Variants in FTO observed in about 807,000 individuals in gnomAD.
FTO encodes alpha-ketoglutarate-dependent dioxygenase FTO.
In FTO, 47 loss-of-function variants were observed where a neutral mutation model predicts 63.9. That is an observed-to-expected ratio of 0.74 (90% confidence interval 0.58 to 0.94). The LOEUF (loss-of-function observed/expected upper bound fraction) is 0.94. Among genes scored for constraint, FTO ranks in the 40% least tolerant of loss-of-function variants. FTO has a pLI of 0.00. For synonymous variants in FTO, 207 were observed against 224.4 expected (o/e 0.92, Z 0.69); for missense variants, 562 against 618.1 (o/e 0.91, Z 0.96).
At chr16:53,894,151 A>G (rs1468730374) in intron 7 of FTO, among the ~76,000 whole-genome samples, 3 of 152,208 alleles carry the variant, frequency 2.0e-5, no homozygotes, top group African/African-American at 4.8e-5. Context: ...AATGTACTTA[A>G]GAAGGTAAAG....
chr16:53,887,914 T>A (rs977583122), intron 6 of FTO: 6 of 152,138 alleles, frequency 3.9e-5, no homozygotes, highest in Non-Finnish European at 8.8e-5. Flanking sequence ...TCCTGGCCCA[T>A]GGGTAAGTTA....
At chr16:53,806,442 T>A (rs2078370024) in intron 1 of FTO, among the ~76,000 whole-genome samples, 1 of 152,206 alleles carries the variant, frequency 6.6e-6, no homozygotes, top group South Asian at 2.1e-4. Flanking sequence ...TAGTCTGTCA[T>A]TTATCCTTTG....
At chr16:53,947,766 T>G (rs1350329495) in intron 8 of FTO, among the ~76,000 whole-genome samples, 1 of 152,248 alleles carries the variant, frequency 6.6e-6, no homozygotes, top group Non-Finnish European at 1.5e-5. Context: ...TTTTAATGAC[T>G]GAACACAAGT....
intron 8 of FTO, among the ~76,000 whole-genome samples, chr16:53,968,537 G>A (rs1296764429): frequency 6.6e-6 from 1 of 152,196 alleles, no homozygotes; most frequent in Non-Finnish European, 1.5e-5. Context: ...TTGAATTGTG[G>A]CTGTGGGCTG....
intron 2 of FTO, among the ~76,000 whole-genome samples, chr16:53,816,407 C>T (rs2078689972): frequency 6.6e-6 from 1 of 152,118 alleles, no homozygotes; most frequent in Non-Finnish European, 1.5e-5. Context: ...AGCTTCCCAT[C>T]AGCCTAGGAC....
At chr16:53,817,959 A>G (rs2078745771) in intron 2 of FTO, among the ~76,000 whole-genome samples, 1 of 152,250 alleles carries the variant, frequency 6.6e-6, no homozygotes, top group East Asian at 1.9e-4. Flanking sequence ...TATAAATTTC[A>G]TGACTGCATA....
intron 1 of FTO, among the ~76,000 whole-genome samples, chr16:53,759,347 C>T (rs563805619): frequency 2.0e-5 from 3 of 152,250 alleles, no homozygotes; most frequent in South Asian, 4.2e-4. Context: ...CAGTATTTAA[C>T]TCTGGGAGTT....
Position 54,103,329 on chromosome 16 carries a change from G to A in FTO, c.1365-8433G>A, listed in dbSNP as rs74476379. ...CTTCCCAGAAGCGTGAGGCCCAAAA[G>A]TAGATGTATATACAACTGGAAGTTA... is the stretch of plus-strand genomic sequence containing the variant. On this transcript the variant is annotated intron_variant, in intron 8 of 8. Transcript: ENST00000471389. Among the ~76,000 whole-genome samples the A allele has an allele frequency of 8.4e-3, 1,282 of 152,250 alleles. 19 individuals carry two copies. The highest frequency in any genetic ancestry group is 0.015 in the Non-Finnish European group (1,051 of 68,006).
At chr16:53,939,751 A>G (rs2082483181) in intron 8 of FTO, among the ~76,000 whole-genome samples, 1 of 152,206 alleles carries the variant, frequency 6.6e-6, no homozygotes, top group Admixed American at 6.5e-5. Context: ...TTCATTTGGC[A>G]TACTGATTGT....
chr16:53,832,345 AACAT>A (rs2079165688), intron 3 of FTO, among the ~76,000 whole-genome samples: 1 of 152,220 alleles, frequency 6.6e-6, no homozygotes, highest in Non-Finnish European at 1.5e-5. Context: ...CAAGATAATG[AACAT>A]ACCCATTATT....
chr16:53,804,907 G>A (rs1015516243), intron 1 of FTO, among the ~76,000 whole-genome samples: 4 of 151,938 alleles, frequency 2.6e-5, no homozygotes, highest in South Asian at 2.1e-4. Context: ...GAGCCACCGC[G>A]CCTGGCTCTT....
intron 8 of FTO, among the ~76,000 whole-genome samples, chr16:53,946,573 T>C (rs1216558236): frequency 1.3e-5 from 2 of 152,252 alleles, no homozygotes; most frequent in African/African-American, 4.8e-5. Context: ...TGTCTTCTTT[T>C]TATTCTTATA....
In FTO at chr16:53,732,049, T is replaced by A. The variant is rs7197110; in HGVS notation, c.45+27820T>A. 3.8e-3 allele frequency among the ~76,000 whole-genome samples: 198 copies of A among 52,446 alleles called. 5 individuals carry two copies. Among genetic ancestry groups the A allele is most frequent in the Non-Finnish European group, 6.5e-3 (115 of 17,562 alleles). The allele number at this position is 52,446 out of a possible 152,430, so 34.4% of individuals were successfully genotyped here. ...GCCCTCATTGTGGCCTTATTTTTTT[T>A]TTTTTTTTTTTTTTTTTGAGACGGA... On this transcript the variant is annotated intron_variant, in intron 1 of 8. Transcript: ENST00000471389.
At chr16:54,074,488 T>G (rs2144475554) in intron 8 of FTO, among the ~76,000 whole-genome samples, 1 of 152,336 alleles carries the variant, frequency 6.6e-6, no homozygotes, top group South Asian at 2.1e-4. Context: ...CATAATATTT[T>G]ATAACTTTTG....
chr16:53,717,894 A>G (rs993164402), intron 1 of FTO, among the ~76,000 whole-genome samples: 3 of 152,084 alleles, frequency 2.0e-5, no homozygotes, highest in Non-Finnish European at 4.4e-5. Flanking sequence ...TTTAATTGCC[A>G]TCGATTTATA....
intron 4 of FTO, among the ~76,000 whole-genome samples, chr16:53,863,720 T>C (rs998668338): frequency 3.3e-5 from 5 of 152,228 alleles, no homozygotes; most frequent in Non-Finnish European, 5.9e-5. Context: ...GGCAAGAGCC[T>C]TGCTCTCTGA....
In FTO at chr16:53,895,125, C is replaced by G. The variant is rs2081246014; in HGVS notation, c.1239+6174C>G. Among the ~76,000 whole-genome samples, 2 of 152,154 alleles carry G rather than the reference C, an allele frequency of 1.3e-5. 1 individual carries two copies. The highest frequency in any genetic ancestry group is 4.1e-4 in the South Asian group (2 of 4,828). The stretch of plus-strand genomic sequence containing the variant: ...CTAATTCCCCACCCACTCCAATTCC[C>G]CACAGCTATATTGTTCTATTAAAAG... On this transcript the variant is annotated intron_variant, in intron 7 of 8. Transcript: ENST00000471389.
intron 8 of FTO, among the ~76,000 whole-genome samples, chr16:53,952,499 G>A (rs557985030): frequency 1.9e-4 from 29 of 152,128 alleles, no homozygotes; most frequent in Non-Finnish European, 3.4e-4. Context: ...GGTCAGTGGA[G>A]CAAAAAAAAT....
chr16:53,751,128 G>A (rs944083637), intron 1 of FTO, among the ~76,000 whole-genome samples: 1 of 152,066 alleles, frequency 6.6e-6, no homozygotes, highest in Admixed American at 6.6e-5. Flanking sequence ...ACTAACACTG[G>A]TCAGGAGTGG....
Sources: gnomAD v4.1 joint callset for allele counts (sites outside exome capture counted in the v4.1 genomes callset) on GRCh38, gnomAD v4.1.1 for gene constraint, MANE v1.5 for transcripts, NCBI Gene and HGNC (gene_info 2026-07-23, HGNC 2026-07-21) for gene names.